Variants in SPECC1 observed in about 807,000 individuals in gnomAD.
The protein encoded by SPECC1 is cytospin-B.
A neutral mutation model predicts 104.1 loss-of-function variants in SPECC1; 62 were observed. The ratio of observed to expected loss-of-function variants is 0.60; its 90% CI spans 0.49 to 0.74. SPECC1 has a LOEUF of 0.74. SPECC1 is among the 30% of genes least tolerant of loss of function. SPECC1 has a pLI of 0.00. For synonymous variants in SPECC1, 513 were observed against 501.6 expected (o/e 1.02, Z -0.30); for missense variants, 1,306 against 1,310.5 (o/e 1.00, Z 0.05).
At chr17:20,037,091 G>T (rs533153664) in intron 1 of SPECC1, among the ~76,000 whole-genome samples, 1 of 152,064 alleles carries the variant, frequency 6.6e-6, no homozygotes, top group Non-Finnish European at 1.5e-5. Context: ...TCTTTAGTAC[G>T]TTCATATAGT....
intron 1 of SPECC1, among the ~76,000 whole-genome samples, chr17:20,058,040 C>T (rs1218210744): frequency 6.6e-6 from 1 of 152,034 alleles, no homozygotes; most frequent in Non-Finnish European, 1.5e-5. Flanking sequence ...GGTATCATAA[C>T]AGCATTAAAA....
At chr17:20,038,134 G>T (rs187370631) in intron 1 of SPECC1, among the ~76,000 whole-genome samples, 144 of 151,998 alleles carry the variant, frequency 9.5e-4, no homozygotes, top group Admixed American at 2.6e-3. Context: ...CTTGCTAGAG[G>T]TTTGTCAATT....
intron 4 of SPECC1, among the ~76,000 whole-genome samples, chr17:20,218,631 CTTT>C (rs1025388077): frequency 6.6e-6 from 1 of 151,670 alleles, no homozygotes; most frequent in Non-Finnish European, 1.5e-5. Flanking sequence ...CTCCCTTATT[CTTT>C]TTTTCTAATT....
intron 1 of SPECC1, among the ~76,000 whole-genome samples, chr17:20,041,573 AT>A (rs953142511): frequency 2.0e-5 from 2 of 99,822 alleles, no homozygotes; most frequent in Admixed American, 1.0e-4. Flanking sequence ...CTTTGCCAAG[AT>A]TTTTTTTTCA....
chr17:20,109,776 C>T (rs553493644), intron 2 of SPECC1, among the ~76,000 whole-genome samples: 2 of 152,114 alleles, frequency 1.3e-5, no homozygotes. Flanking sequence ...ATTGCCCTAC[C>T]CTGCCTTTTG....
At chr17:20,085,514 C>T (rs992818432) in intron 1 of SPECC1, among the ~76,000 whole-genome samples, 5 of 152,164 alleles carry the variant, frequency 3.3e-5, no homozygotes, top group Admixed American at 3.3e-4. Flanking sequence ...AATTATCCGT[C>T]GTATTTGTGG....
intron 1 of SPECC1, among the ~76,000 whole-genome samples, chr17:20,024,926 G>C (rs951226045): frequency 1.3e-5 from 2 of 152,132 alleles, no homozygotes; most frequent in Admixed American, 1.3e-4. Context: ...CTATTGAACT[G>C]CTTCTCTTGA....
In SPECC1 at chr17:20,104,524, C is replaced by T. The variant is rs564693860; in HGVS notation, c.148-5903C>T. Among the ~76,000 whole-genome samples the T allele has an allele frequency of 2.6e-5, 4 of 151,994 alleles. No individual in the cohort carries two copies. The South Asian group carries it at 8.4e-4, about 32-fold the overall frequency. ...TTGGGAGGCCGAGGCAGGTGGATCACCTGAGGTCAGGAGTTTGAGACCAGC... is the reference window on the plus strand; with the variant it reads ...TTGGGAGGCCGAGGCAGGTGGATCATCTGAGGTCAGGAGTTTGAGACCAGC... On this transcript the variant is annotated intron_variant, in intron 2 of 14. Transcript: ENST00000395527.
rs1298938129 is a variant in SPECC1, at chr17:20,245,987, T to C, written c.2413T>C (p.Cys805Arg). The change falls in exon 8 of 15, where the codon TGT becomes CGT. Residue 805 changes from cysteine (C) to arginine (R), a missense_variant. Physicochemically the swap from Cys to Arg is radical, Grantham distance 180 (BLOSUM62 -3). This residue lies in a region of SPECC1 where 1,177 missense variants were observed against 1,139.9 expected (regional missense o/e 1.03). Coordinates refer to ENST00000395527, the MANE Select transcript of SPECC1 (RefSeq NM_001243439.2). The part of the protein sequence containing the change: ...VDAAGRWPGV[C>R]VSRTSPTPPE... ...TGCTGCTGGTCGGTGGCCTGGTGTC[T>C]GTGTTAGCAGAACATCTCCAACACC... 1 of 1,614,184 alleles carries C rather than the reference T, an allele frequency of 6.2e-7. No homozygotes were observed. Among genetic ancestry groups the C allele is most frequent in the South Asian group, 1.1e-5 (1 of 91,074 alleles).
chr17:20,110,488 T>A lies in SPECC1; in HGVS notation c.209T>A (p.Val70Glu). 6.2e-7 allele frequency: 1 copy of A among 1,613,362 alleles called. No individual in the cohort carries two copies. Among genetic ancestry groups the A allele is most frequent in the East Asian group, 2.2e-5 (1 of 44,808 alleles). The change falls in exon 3 of 15, where the codon GTG becomes GAG. Residue 70 changes from valine (V) to glutamate (E), a missense_variant. Around this residue, in one of 2 missense-constraint regions of SPECC1, gnomAD observed 1,177 missense variants for 1,139.9 expected, o/e 1.03. Transcript: ENST00000395527. ...CCAGGAAGTACCGCTGCATCGGGGG[T>A]GGTTCGCCTGAAGAAGACCGCCACT... ...NKPGSTAASG[V>E]VRLKKTATAG...
chr17:20,110,474 C>G lies in SPECC1; in HGVS notation c.195C>G (p.Thr65=). The G allele has an allele frequency of 6.2e-7, 1 of 1,614,002 alleles. No homozygotes were observed. ...SEDTLNKPGS[T]AASGVVRLKK... Reference sequence around the variant, plus strand: ...ACACGCTCAACAAGCCAGGAAGTACCGCTGCATCGGGGGTGGTTCGCCTGA... The same window carrying G: ...ACACGCTCAACAAGCCAGGAAGTACGGCTGCATCGGGGGTGGTTCGCCTGA... Residue 65 remains threonine (T), a synonymous_variant, in exon 3 of 15, where the codon ACC becomes ACG. Coordinates refer to ENST00000395527, the MANE Select transcript of SPECC1 (RefSeq NM_001243439.2).
At chr17:20,300,058 TTAAA>T (rs1336555474) in intron 13 of SPECC1, among the ~76,000 whole-genome samples, 1 of 152,216 alleles carries the variant, frequency 6.6e-6, no homozygotes. Context: ...AATTTTCATG[TTAAA>T]TAACCACATC....
intron 1 of SPECC1, among the ~76,000 whole-genome samples, chr17:20,077,010 T>G (rs1228872102): frequency 6.6e-6 from 1 of 152,250 alleles, no homozygotes; most frequent in Non-Finnish European, 1.5e-5. Context: ...GGGATCGTAA[T>G]GCTGGCTTTT....
At chr17:20,022,471 G>C (rs2044433124) in intron 1 of SPECC1, among the ~76,000 whole-genome samples, 1 of 152,030 alleles carries the variant, frequency 6.6e-6, no homozygotes. Context: ...CTTTTTGGTT[G>C]GTATCTGTGT....
chr17:20,018,634 A>G (rs1214639292), intron 1 of SPECC1, among the ~76,000 whole-genome samples: 1 of 152,226 alleles, frequency 6.6e-6, no homozygotes, highest in African/African-American at 2.4e-5. Context: ...TGGAAGACTC[A>G]GCATGTGGTG....
intron 3 of SPECC1, among the ~76,000 whole-genome samples, chr17:20,125,136 C>T (rs1029100953): frequency 1.3e-5 from 2 of 152,038 alleles, no homozygotes; most frequent in African/African-American, 4.8e-5. Context: ...GCCGAGATCG[C>T]GCCACTGCAC....
At position 20,232,386 on chromosome 17, in the gene SPECC1, A is replaced by C. The variant is rs764076654; in HGVS notation, c.2332A>C (p.Thr778Pro). 1.9e-6 allele frequency: 3 copies of C among 1,611,126 alleles called. No homozygotes were observed. Among genetic ancestry groups the C allele is most frequent in the Non-Finnish European group, 1.7e-6 (2 of 1,178,596 alleles). ...TGTGCAGGGCCACGGCAGGGTGGTC[A>C]CCAGCAGAGCCGCCCCTCCGTGAGT... is the stretch of plus-strand genomic sequence containing the variant. ...GDVQGHGRVV[T>P]SRAAPPPVDE... The change falls in exon 7 of 15, where the codon ACC becomes CCC. Residue 778 changes from threonine (T) to proline (P), a missense_variant. Physicochemically the swap from Thr to Pro is conservative, Grantham distance 38. This residue lies in a region of SPECC1 where 1,177 missense variants were observed against 1,139.9 expected (regional missense o/e 1.03). Coordinates refer to ENST00000395527, the MANE Select transcript of SPECC1 (RefSeq NM_001243439.2).
At chr17:20,253,610 CT>C in intron 10 of SPECC1, 24 bp downstream of exon 10, 1 of 1,607,974 alleles carries the variant, frequency 6.2e-7, no homozygotes. Flanking sequence ...ACATAAAGAA[CT>C]TTTGACTTAT....
intron 3 of SPECC1, among the ~76,000 whole-genome samples, chr17:20,170,995 G>T (rs1481308966): frequency 2.6e-5 from 4 of 152,054 alleles, no homozygotes; most frequent in South Asian, 2.1e-4. Flanking sequence ...ATCTTGGAAG[G>T]TTACATTATA....
Sources: allele counts gnomAD v4.1 joint callset (sites outside exome capture counted in the v4.1 genomes callset), GRCh38; gene constraint gnomAD v4.1.1; regional missense constraint gnomAD v4.1.1; transcripts MANE v1.5; gene names NCBI Gene and HGNC (gene_info 2026-07-23, HGNC 2026-07-21).